The following DHX29 variants were observed in gnomAD, a reference collection of about 807,000 sequenced individuals.
DHX29 encodes ATP-dependent RNA helicase DHX29.
A neutral mutation model predicts 167.9 loss-of-function variants in DHX29; 79 were observed. That is an observed-to-expected ratio of 0.47 (90% CI 0.39 to 0.57). DHX29 has a LOEUF of 0.57. Among genes scored for constraint, DHX29 ranks in the 20% least tolerant of loss-of-function variants. The pLI, the probability that DHX29 is intolerant of heterozygous loss-of-function variation, is 0.00. For synonymous variants in DHX29, 530 were observed against 546.0 expected (o/e 0.97, Z 0.41); for missense variants, 1,347 against 1,593.4 (o/e 0.85, Z 2.63).
intron 6 of DHX29, among the ~76,000 whole-genome samples, chr5:55,293,582 G>A (rs938737428): frequency 1.3e-5 from 2 of 152,042 alleles, no homozygotes; most frequent in African/African-American, 4.8e-5. Context: ...ATATAATTAT[G>A]TATAGAAGTC....
chr5:55,268,467 C>G (rs1374103558), intron 21 of DHX29, among the ~76,000 whole-genome samples: 1 of 152,038 alleles, frequency 6.6e-6, no homozygotes, highest in Non-Finnish European at 1.5e-5. Context: ...TTCTGTTGCC[C>G]AGGCTGGGGT....
chr5:55,294,316 C>T (rs2111951336), intron 5 of DHX29, among the ~76,000 whole-genome samples, 171 bp from the exon 6 acceptor site: 1 of 152,228 alleles, frequency 6.6e-6, no homozygotes, highest in African/African-American at 2.4e-5. Context: ...AAGAAATTTA[C>T]AATTGCAAAA....
chr5:55,271,339 T>G (rs1353924360), intron 18 of DHX29, among the ~76,000 whole-genome samples: 2 of 152,220 alleles, frequency 1.3e-5, no homozygotes, highest in East Asian at 3.8e-4. Flanking sequence ...AGTTATGAAA[T>G]TTTCATTTTG....
intron 8 of DHX29, among the ~76,000 whole-genome samples, chr5:55,287,307 G>A (rs527257593): frequency 2.0e-5 from 3 of 152,068 alleles, no homozygotes; most frequent in Non-Finnish European, 4.4e-5. Flanking sequence ...CGGGCATGCA[G>A]GCATGCACCT....
intron 26 of DHX29, among the ~76,000 whole-genome samples, chr5:55,256,931 T>A (rs188096843): frequency 6.6e-6 from 1 of 152,224 alleles, no homozygotes. Flanking sequence ...CTACTGACTC[T>A]TCAGTGTTCT....
chr5:55,306,319 A>C (rs1292810770), intron 1 of DHX29, among the ~76,000 whole-genome samples: 1 of 152,072 alleles, frequency 6.6e-6, no homozygotes, highest in Non-Finnish European at 1.5e-5. Flanking sequence ...TTTACACATG[A>C]TGTTCATTAC....
In DHX29 at chr5:55,269,475, C is replaced by G; in HGVS notation, c.3232G>C (p.Val1078Leu). 6.2e-7 allele frequency: 1 copy of G among 1,613,954 alleles called. No homozygotes were observed. Among genetic ancestry groups the G allele is most frequent in the Non-Finnish European group, 8.5e-7 (1 of 1,180,008 alleles). Residue 1078 changes from valine (V) to leucine (L), a missense_variant, in exon 21 of 27, where the codon GTG becomes CTG. Val to Leu is a conservative substitution (Grantham distance 32). Around this residue, in one of 3 missense-constraint regions of DHX29, gnomAD observed 882 missense variants for 1,082.4 expected, o/e 0.81. Transcript: ENST00000251636. The stretch of plus-strand genomic sequence containing the variant: ...AGCATCTTGCCAATCTTGACATTCA[C>G]AGGTAAAGCTGCAAGGTGTTGGCCC... ...PLGQHLAALP[V>L]NVKIGKMLIF...
chr5:55,303,090 T>C (rs1041230425), intron 1 of DHX29, among the ~76,000 whole-genome samples: 7 of 151,618 alleles, frequency 4.6e-5, no homozygotes, highest in Non-Finnish European at 1.5e-5. Context: ...ACTGATTTCC[T>C]CAAAATGACT....
intron 21 of DHX29, 100 bp downstream of exon 21, chr5:55,269,313 T>C: frequency 8.9e-7 from 1 of 1,129,862 alleles, no homozygotes; most frequent in Non-Finnish European, 1.3e-6. Flanking sequence ...AGACATTCTA[T>C]TTAGTTAAAA....
intron 26 of DHX29, among the ~76,000 whole-genome samples, chr5:55,259,503 G>C (rs1746206752): frequency 6.6e-6 from 1 of 152,168 alleles, no homozygotes; most frequent in African/African-American, 2.4e-5. Context: ...CGCCCAGGCT[G>C]GAGTGCAATC....
chr5:55,285,204 T>G, intron 10 of DHX29, 89 bp downstream of exon 10: 1 of 1,528,198 alleles, frequency 6.5e-7, no homozygotes, highest in East Asian at 2.3e-5. Flanking sequence ...AAAGGATTAA[T>G]CAGAAGAAAC....
At position 55,285,813 on chromosome 5, in the gene DHX29, C is replaced by T; in HGVS notation, c.1115G>A (p.Arg372Gln). The part of the protein sequence containing the change: ...HDVRNFDYTA[R>Q]SWTGKSPKQF... ...TTTGGGAGATTTTCCAGTCCAACTT[C>T]GAGCAGTATAGTCAAAATTTCTTAC... The change falls in exon 9 of 27, where the codon CGA becomes CAA. Residue 372 changes from arginine (R) to glutamine (Q), a missense_variant. Transcript: ENST00000251636. 2 of 1,600,564 alleles carry T rather than the reference C, an allele frequency of 1.2e-6. No homozygotes were observed. Among genetic ancestry groups the T allele is most frequent in the East Asian group, 2.2e-5 (1 of 44,586 alleles).
chr5:55,257,061 C>A (rs963862087), intron 26 of DHX29, among the ~76,000 whole-genome samples: 1 of 151,838 alleles, frequency 6.6e-6, no homozygotes, highest in Non-Finnish European at 1.5e-5. Context: ...GGAGAGGTGT[C>A]AATGCGGAAG....
intron 26 of DHX29, among the ~76,000 whole-genome samples, chr5:55,257,575 C>T (rs1344452538): frequency 6.6e-6 from 1 of 152,158 alleles, no homozygotes; most frequent in Non-Finnish European, 1.5e-5. Context: ...CAGGCGCAAG[C>T]CACCATACCT....
In DHX29 at chr5:55,283,747, T is replaced by G; in HGVS notation, c.1421A>C (p.Lys474Thr). ...CATTTTATTTAATTCTTCCCTTTTC[T>G]TTTCTGCATCACTCCACTCCAGCCA... ...DVWLEWSDAE[K>T]KREELNKMET... Residue 474 changes from lysine to threonine, a missense_variant, in exon 11 of 27, where the codon AAG becomes ACG. By Grantham distance (78) the Lys-to-Thr change is moderately conservative (BLOSUM62 -1). Coordinates refer to ENST00000251636, the MANE Select transcript of DHX29 (RefSeq NM_019030.4). 6.2e-7 allele frequency: 1 copy of G among 1,613,624 alleles called. No individual in the cohort carries two copies.
At chr5:55,266,620 C>CT (rs1392147287) in intron 23 of DHX29, among the ~76,000 whole-genome samples, 1 of 148,966 alleles carries the variant, frequency 6.7e-6, no homozygotes, top group East Asian at 2.0e-4. Context: ...TGTGTTGCAT[C>CT]TTTTTTCTTT....
At chr5:55,298,208 G>C (rs1056611468) in intron 2 of DHX29, among the ~76,000 whole-genome samples, 11 of 152,114 alleles carry the variant, frequency 7.2e-5, no homozygotes, top group African/African-American at 2.7e-4. Context: ...TCTACGCAGA[G>C]AGTACATGGG....
rs1746796932 is a variant in DHX29 at position 55,270,447 on chromosome 5, G to GT, written c.3033dup (p.Arg1012ThrfsTer15). The GT allele has an allele frequency of 6.2e-7, 1 of 1,612,222 alleles. No individual in the cohort carries two copies. The highest frequency in any genetic ancestry group is 1.3e-5 in the African/African-American group (1 of 74,836). On this transcript the variant is annotated frameshift_variant, in exon 20 of 27. Transcript: ENST00000251636. LOFTEE classifies it high-confidence loss of function. ...AGGCATAATTCCTCCAAAGGTACAC[G>GT]TAAGATTTCAGGAACAGAATAATCC...
At chr5:55,289,778 A>G (rs568857567) in intron 7 of DHX29, among the ~76,000 whole-genome samples, 1 of 152,344 alleles carries the variant, frequency 6.6e-6, no homozygotes, top group South Asian at 2.1e-4. Flanking sequence ...AATGACCACG[A>G]TATTTTATGG....
Sources: gnomAD v4.1 joint callset for allele counts (sites outside exome capture counted in the v4.1 genomes callset) on GRCh38, gnomAD v4.1.1 for gene constraint, gnomAD v4.1.1 regional missense constraint, MANE v1.5 for transcripts, NCBI Gene and HGNC (gene_info 2026-07-23, HGNC 2026-07-21) for gene names.